STXBP5L: variants seen among roughly 807,000 people sequenced by gnomAD.
STXBP5L encodes the protein syntaxin binding protein 5L.
STXBP5L carries 65 observed loss-of-function variants against 144.5 expected under a neutral mutation model. The ratio of observed to expected loss-of-function variants is 0.45; its 90% confidence interval spans 0.37 to 0.55. The LOEUF is 0.55. Among genes scored for constraint, STXBP5L ranks in the 20% least tolerant of loss-of-function variants. STXBP5L has a pLI of 0.00. For missense variants in STXBP5L, 1,298 were observed against 1,405.5 expected (o/e 0.92, Z 1.22); for synonymous variants, 505 against 469.6 (o/e 1.08, Z -0.97).
At chr3:121,335,889 C>T (rs1387840421) in intron 20 of STXBP5L, among the ~76,000 whole-genome samples, 1 of 152,092 alleles carries the variant, frequency 6.6e-6, no homozygotes, top group African/African-American at 2.4e-5. Flanking sequence ...ACACCAAAAG[C>T]AATCACAACA....
At chr3:121,279,782 G>C (rs1264184564) in intron 18 of STXBP5L, 23 bp from the exon 19 acceptor site, 2 of 1,609,052 alleles carry the variant, frequency 1.2e-6, no homozygotes, top group Admixed American at 3.4e-5. Flanking sequence ...ATACATTCTA[G>C]TTGTATTTTT....
chr3:121,006,714 C>A (rs1219081640), intron 3 of STXBP5L, among the ~76,000 whole-genome samples: 1 of 152,070 alleles, frequency 6.6e-6, no homozygotes, highest in East Asian at 1.9e-4. Context: ...ATGTTTAGTG[C>A]CTCCTTCAGG....
intron 20 of STXBP5L, among the ~76,000 whole-genome samples, chr3:121,355,670 T>A (rs762512239): frequency 1.3e-4 from 20 of 152,144 alleles, no homozygotes; most frequent in Non-Finnish European, 2.9e-4. Context: ...ATTATTGACC[T>A]TCTGAAGCCT....
chr3:121,342,363 A>ATTT (rs1370482960), intron 20 of STXBP5L, among the ~76,000 whole-genome samples: 2 of 152,084 alleles, frequency 1.3e-5, no homozygotes, highest in Non-Finnish European at 2.9e-5. Flanking sequence ...TATTATTATT[A>ATTT]TACTTTAAGT....
intron 7 of STXBP5L, 88 bp from the exon 8 acceptor site, chr3:121,152,389 G>A: frequency 1.1e-6 from 1 of 951,154 alleles, no homozygotes; most frequent in South Asian, 1.6e-5. Context: ...TATGTGGTAT[G>A]ATTTTACTTT....
chr3:121,124,500 C>T (rs1416049018), intron 7 of STXBP5L, among the ~76,000 whole-genome samples: 4 of 151,802 alleles, frequency 2.6e-5, no homozygotes, highest in African/African-American at 9.7e-5. Context: ...TCTTTTATAT[C>T]TTGTGCTAGC....
intron 24 of STXBP5L, 104 bp downstream of exon 24, chr3:121,413,427 C>A: frequency 1.0e-6 from 1 of 961,824 alleles, no homozygotes; most frequent in Non-Finnish European, 1.5e-6. Context: ...ATAATTATGC[C>A]CTTCCAATAA....
At chr3:121,135,658 G>T (rs2045218061) in intron 7 of STXBP5L, among the ~76,000 whole-genome samples, 1 of 152,190 alleles carries the variant, frequency 6.6e-6, no homozygotes, top group Admixed American at 6.5e-5. Context: ...CGGAGCTCTG[G>T]TGGTAATGCG....
intron 20 of STXBP5L, among the ~76,000 whole-genome samples, chr3:121,349,154 T>G (rs2045152881): frequency 6.6e-6 from 1 of 152,148 alleles, no homozygotes; most frequent in Non-Finnish European, 1.5e-5. Context: ...TCTGGTACGT[T>G]GTGTCTTTGT....
intron 3 of STXBP5L, among the ~76,000 whole-genome samples, chr3:120,976,142 G>T (rs536590019): frequency 1.2e-4 from 18 of 152,082 alleles, no homozygotes; most frequent in African/African-American, 2.2e-4. Context: ...CTTGTACCTC[G>T]GGTAGAATTC....
rs566643603 is a variant in STXBP5L, at chr3:120,932,859, A to G, written c.190-22081A>G. On this transcript the variant is annotated intron_variant, in intron 2 of 26. Coordinates refer to ENST00000471454, the MANE Select transcript of STXBP5L (RefSeq NM_001308330.2). ...TGGCACATATACACCATGGAATACTATGCAGCCATAAAAAATGATGAGTTC... is the reference window on the plus strand; with the variant it reads ...TGGCACATATACACCATGGAATACTGTGCAGCCATAAAAAATGATGAGTTC... 5.3e-5 allele frequency among the ~76,000 whole-genome samples: 8 copies of G among 152,210 alleles called. No homozygotes were observed. In the South Asian group the frequency reaches 1.5e-3, roughly 28 times the overall value.
At chr3:121,023,431 A>G (rs1246015014) in intron 3 of STXBP5L, among the ~76,000 whole-genome samples, 3 of 152,208 alleles carry the variant, frequency 2.0e-5, no homozygotes, top group East Asian at 1.9e-4. Context: ...GAGCCCACCT[A>G]GCCAAAGCAA....
chr3:121,320,915 A>G (rs1559973273), intron 20 of STXBP5L, among the ~76,000 whole-genome samples: 1 of 151,958 alleles, frequency 6.6e-6, no homozygotes, highest in East Asian at 1.9e-4. Flanking sequence ...TAGCCAGGAT[A>G]GTCTCGATCT....
At chr3:121,340,933 A>C (rs775527425) in intron 20 of STXBP5L, among the ~76,000 whole-genome samples, 1 of 152,116 alleles carries the variant, frequency 6.6e-6, no homozygotes, top group South Asian at 2.1e-4. Context: ...TAAGTTGTCA[A>C]CAGTTTAAAA....
chr3:121,367,595 G>GTTTTTT lies in STXBP5L; in HGVS notation c.2177-11099_2177-11094dup, dbSNP rs57288480. Among the ~76,000 whole-genome samples, 4 of 51,334 alleles carry GTTTTTT rather than the reference G, an allele frequency of 7.8e-5. 1 individual carries two copies. The highest frequency in any genetic ancestry group is 1.1e-4 in the Non-Finnish European group (3 of 28,172). 33.7% of individuals were successfully genotyped at this position (51,334 alleles called of 152,430 possible). On this transcript the variant is annotated intron_variant, in intron 20 of 26. Coordinates refer to ENST00000471454, the MANE Select transcript of STXBP5L (RefSeq NM_001308330.2). Reference sequence around the variant, plus strand: ...GGTTCTCTCTTTGTCTTCGACTCTTGTTTTTTTTTTTTTTTTTTTTTTTTT... The same window carrying GTTTTTT: ...GGTTCTCTCTTTGTCTTCGACTCTTGTTTTTTTTTTTTTTTTTTTTTTTTTTTTTTT...
intron 21 of STXBP5L, among the ~76,000 whole-genome samples, chr3:121,379,111 AC>A (rs1042489002): frequency 2.0e-5 from 3 of 150,788 alleles, no homozygotes; most frequent in Non-Finnish European, 4.4e-5. Context: ...ATAGGTAACT[AC>A]CCCCTCCTCT....
intron 3 of STXBP5L, among the ~76,000 whole-genome samples, chr3:121,019,712 A>C (rs949254160): frequency 1.3e-5 from 2 of 152,206 alleles, no homozygotes; most frequent in Middle Eastern, 3.2e-3. Flanking sequence ...GCTCCACCGC[A>C]GGAGAAAGTG....
At chr3:121,180,518 A>G (rs1210701026) in intron 9 of STXBP5L, among the ~76,000 whole-genome samples, 1 of 152,212 alleles carries the variant, frequency 6.6e-6, no homozygotes, top group African/African-American at 2.4e-5. Flanking sequence ...CTATAAAACA[A>G]TAATACAATG....
chr3:120,982,601 G>T (rs1941892335), intron 3 of STXBP5L, among the ~76,000 whole-genome samples: 2 of 152,222 alleles, frequency 1.3e-5, no homozygotes, highest in African/African-American at 4.8e-5. Context: ...ATGGCTCTCT[G>T]TCGAAGTGGC....
Sources: allele counts gnomAD v4.1 joint callset (sites outside exome capture counted in the v4.1 genomes callset), GRCh38; gene constraint gnomAD v4.1.1; transcripts MANE v1.5; gene names NCBI Gene and HGNC (gene_info 2026-07-23, HGNC 2026-07-21).